AFF3: variants seen among roughly 807,000 people sequenced by gnomAD.
The protein encoded by AFF3 is ALF transcription elongation factor 3.
In AFF3, 32 loss-of-function variants were observed where a neutral mutation model predicts 129.7. The ratio of observed to expected loss-of-function variants is 0.25; its 90% CI spans 0.19 to 0.33. The LOEUF (loss-of-function observed/expected upper bound fraction) is 0.33, where lower values mean the gene tolerates loss of function less well. AFF3 is among the 10% of genes least tolerant of loss of function. The pLI, the probability that AFF3 is intolerant of heterozygous loss-of-function variation, is 1.00. For synonymous variants in AFF3, 644 were observed against 635.4 expected, an observed-to-expected ratio of 1.01 and a Z score of -0.20; for missense variants, 1,373 against 1,592.0, an observed-to-expected ratio of 0.86 and a Z score of 2.34.
intron 13 of AFF3, among the ~76,000 whole-genome samples, chr2:99,607,506 T>G (rs1486587384): frequency 2.0e-5 from 3 of 150,118 alleles, no homozygotes; most frequent in Non-Finnish European, 4.4e-5. Flanking sequence ...CACTCCAGCC[T>G]GGGCGACAGT....
intron 1 of AFF3, among the ~76,000 whole-genome samples, chr2:100,135,320 T>C (rs1692592607): frequency 6.6e-6 from 1 of 152,220 alleles, no homozygotes; most frequent in Admixed American, 6.5e-5. Context: ...CTTTGAGTCT[T>C]AGCAGGCCTG....
intron 8 of AFF3, among the ~76,000 whole-genome samples, chr2:99,800,531 C>T (rs1685864136): frequency 6.6e-6 from 1 of 152,124 alleles, no homozygotes; most frequent in Admixed American, 6.5e-5. Flanking sequence ...TAAACATACT[C>T]CTATTATTTG....
At chr2:99,565,671 T>A (rs764169737) in intron 19 of AFF3, 48 bp from the exon 20 acceptor site, 20 of 1,583,352 alleles carry the variant, frequency 1.3e-5, no homozygotes, top group African/African-American at 4.0e-5. Context: ...TAGTTTTTTT[T>A]AAATGGCATT....
chr2:100,107,562 G>T, intron 2 of AFF3: 2 of 953,680 alleles, frequency 2.1e-6, no homozygotes, highest in Non-Finnish European at 2.5e-6. Context: ...TGACCTGAGG[G>T]TCTTTTCTCC....
chr2:99,560,485 A>G, intron 20 of AFF3, 49 bp from the exon 21 acceptor site: 1 of 1,553,226 alleles, frequency 6.4e-7, no homozygotes, highest in Non-Finnish European at 8.8e-7. Context: ...TAAAAAGCAA[A>G]GAAATAGTAA....
chr2:99,991,405 G>A (rs1231947424), intron 7 of AFF3, among the ~76,000 whole-genome samples: 2 of 152,050 alleles, frequency 1.3e-5, no homozygotes, highest in East Asian at 1.9e-4. Context: ...CATCTCTGCC[G>A]TGTTCCTCTC....
intron 8 of AFF3, among the ~76,000 whole-genome samples, chr2:99,817,995 C>T (rs1002799339): frequency 3.3e-5 from 5 of 152,132 alleles, no homozygotes; most frequent in African/African-American, 1.2e-4. Context: ...ATCTCTGACT[C>T]GTTTCTGGAC....
chr2:100,000,203 T>C (rs953710409), intron 7 of AFF3, among the ~76,000 whole-genome samples: 2 of 152,238 alleles, frequency 1.3e-5, no homozygotes, highest in Non-Finnish European at 2.9e-5. Flanking sequence ...TATGTGAACA[T>C]TTTAATACTT....
intron 8 of AFF3, among the ~76,000 whole-genome samples, chr2:99,810,375 C>A (rs1004317050): frequency 5.9e-5 from 9 of 152,206 alleles, no homozygotes; most frequent in African/African-American, 2.2e-4. Flanking sequence ...GAGATAATTA[C>A]AACACTTACT....
intron 11 of AFF3, chr2:99,707,697 G>C: frequency 2.1e-6 from 2 of 935,048 alleles, no homozygotes; most frequent in South Asian, 4.9e-5. Context: ...TAGGATGCCT[G>C]CCTTTTTTTT....
chr2:99,716,582 C>CTA (rs150305524), intron 11 of AFF3, among the ~76,000 whole-genome samples: 8,166 of 146,988 alleles, frequency 0.056, 399 homozygotes, highest in African/African-American at 0.14. Flanking sequence ...TGTCACATAA[C>CTA]TATATATATA....
intron 14 of AFF3, among the ~76,000 whole-genome samples, chr2:99,600,502 C>T (rs193091981): frequency 1.3e-4 from 20 of 152,254 alleles, no homozygotes; most frequent in Non-Finnish European, 2.5e-4. Flanking sequence ...AGGTGCTCCC[C>T]TCCCACTGAG....
chr2:99,735,801 G>A (rs1313685674), intron 10 of AFF3, among the ~76,000 whole-genome samples: 1 of 152,134 alleles, frequency 6.6e-6, no homozygotes, highest in African/African-American at 2.4e-5. Context: ...CTTCTAGTAT[G>A]AGTATTTCAG....
chr2:99,821,814 C>T (rs1450921721), intron 8 of AFF3, among the ~76,000 whole-genome samples: 1 of 152,176 alleles, frequency 6.6e-6, no homozygotes, highest in Non-Finnish European at 1.5e-5. Context: ...ATGACTATTT[C>T]TAAGCTCACT....
chr2:99,965,078 T>C (rs1677609260), intron 7 of AFF3, among the ~76,000 whole-genome samples: 1 of 152,176 alleles, frequency 6.6e-6, no homozygotes, highest in Admixed American at 6.5e-5. Context: ...AAAACTAGGA[T>C]TTGAGATTGT....
chr2:99,627,463 C>A (rs927973087), intron 13 of AFF3, among the ~76,000 whole-genome samples: 11 of 152,022 alleles, frequency 7.2e-5, no homozygotes, highest in African/African-American at 2.7e-4. Context: ...CTTAGAAATG[C>A]TGGATATTAG....
In AFF3 at chr2:99,601,635, AG is replaced by A. The variant is rs757425455; in HGVS notation, c.1185-15del. 5 of 1,586,190 alleles carry A rather than the reference AG, an allele frequency of 3.2e-6. No homozygotes were observed. The South Asian group carries it at 5.6e-5, about 18-fold the overall frequency. ...TGGACCACGGCGCTGCCAGCCCGCG[AG>A]GCCCCCGGGAAGCAGAGGGAAGGAA... On this transcript the variant is annotated splice_polypyrimidine_tract_variant and intron_variant, in intron 13 of 24. Coordinates refer to ENST00000672756, the MANE Select transcript of AFF3 (RefSeq NM_001386135.1).
chr2:99,874,614 T>G (rs1273344975), intron 7 of AFF3, among the ~76,000 whole-genome samples: 1 of 152,178 alleles, frequency 6.6e-6, no homozygotes, highest in African/African-American at 2.4e-5. Context: ...TAAGACAATT[T>G]TTTTTTTGAC....
intron 7 of AFF3, among the ~76,000 whole-genome samples, chr2:99,880,929 G>C (rs993470545): frequency 6.6e-6 from 1 of 152,170 alleles, no homozygotes; most frequent in African/African-American, 2.4e-5. Context: ...TACCCCGCAA[G>C]TCCCACTTGG....
Sources: gnomAD v4.1 joint callset for allele counts (sites outside exome capture counted in the v4.1 genomes callset) on GRCh38, gnomAD v4.1.1 for gene constraint, MANE v1.5 for transcripts, NCBI Gene and HGNC (gene_info 2026-07-23, HGNC 2026-07-21) for gene names.